Variants in ARHGAP26 observed in about 807,000 individuals in gnomAD.
The protein encoded by ARHGAP26 is Rho GTPase activating protein 26.
Under a neutral mutation model 104.8 loss-of-function variants are expected in ARHGAP26, and 38 were observed. That is an observed-to-expected ratio of 0.36 (90% CI 0.28 to 0.48). ARHGAP26 has a LOEUF of 0.48. Among genes scored for constraint, ARHGAP26 ranks in the 20% least tolerant of loss-of-function variants. The pLI is 0.99. For missense variants in ARHGAP26, 704 were observed against 947.9 expected (o/e 0.74, Z 3.38); for synonymous variants, 341 against 340.0 (o/e 1.00, Z -0.03).
intron 1 of ARHGAP26, among the ~76,000 whole-genome samples, chr5:142,787,937 T>A (rs1758994732): frequency 6.6e-6 from 1 of 152,112 alleles, no homozygotes; most frequent in Admixed American, 6.5e-5. Flanking sequence ...ACTGGTGACC[T>A]ATTTTTGGAT....
chr5:143,015,173 C>T (rs1193568574), intron 12 of ARHGAP26, among the ~76,000 whole-genome samples: 1 of 151,804 alleles, frequency 6.6e-6, no homozygotes, highest in African/African-American at 2.4e-5. Flanking sequence ...ATAAAATGAG[C>T]AAGGGAAAAA....
intron 16 of ARHGAP26, 107 bp downstream of exon 16, chr5:143,056,193 C>T (rs1179989710): frequency 6.8e-6 from 6 of 877,262 alleles, no homozygotes; most frequent in South Asian, 1.5e-5. Context: ...GTATTCTGCA[C>T]ATAAACTGGC....
rs1001564456 is a variant in ARHGAP26 at position 143,103,262 on chromosome 5, A to G, written c.1539-17726A>G. 2.0e-5 allele frequency: 20 copies of G among 984,028 alleles called. No homozygotes were observed. The African/African-American group carries it at 3.3e-4, about 16-fold the overall frequency. 61.0% of individuals were successfully genotyped at this position (984,028 alleles called of 1,614,324 possible). A position where few individuals can be genotyped will look rare whatever the true frequency, so the allele number is the denominator to read the frequency against. Reference sequence around the variant, plus strand: ...AAAAAGTTCAATATCATTACTCTTCAAAGAAATGAAACTTTTAAAAGTCAG... The same window carrying G: ...AAAAAGTTCAATATCATTACTCTTCGAAGAAATGAAACTTTTAAAAGTCAG... On this transcript the variant is annotated intron_variant, in intron 17 of 22. Transcript: ENST00000645722.
chr5:142,899,088 A>G (rs1598147438), intron 6 of ARHGAP26, among the ~76,000 whole-genome samples: 2 of 152,308 alleles, frequency 1.3e-5, no homozygotes, highest in South Asian at 2.1e-4. Flanking sequence ...TCATCCTCAC[A>G]TGGCCATGCT....
chr5:142,918,171 G>A (rs995126977), intron 10 of ARHGAP26, among the ~76,000 whole-genome samples: 4 of 151,844 alleles, frequency 2.6e-5, no homozygotes, highest in African/African-American at 7.3e-5. Flanking sequence ...TTTTGAGACA[G>A]AGTCTTGCTC....
At chr5:143,129,940 G>C (rs756618591) in intron 18 of ARHGAP26, among the ~76,000 whole-genome samples, 1 of 152,226 alleles carries the variant, frequency 6.6e-6, no homozygotes, top group Non-Finnish European at 1.5e-5. Flanking sequence ...CTAGTAGGTA[G>C]CAAAGTCAGG....
At chr5:142,802,738 A>G (rs2151969065) in intron 1 of ARHGAP26, among the ~76,000 whole-genome samples, 1 of 152,264 alleles carries the variant, frequency 6.6e-6, no homozygotes, top group East Asian at 1.9e-4. Context: ...GGCACTGGAA[A>G]TTTAGAATTA....
chr5:143,136,244 A>G (rs1475828676), intron 19 of ARHGAP26, among the ~76,000 whole-genome samples: 1 of 152,226 alleles, frequency 6.6e-6, no homozygotes, highest in African/African-American at 2.4e-5. Flanking sequence ...GATTAATTTT[A>G]TCACACAAGG....
At chr5:143,076,501 A>T (rs983898998) in intron 17 of ARHGAP26, among the ~76,000 whole-genome samples, 9 of 152,102 alleles carry the variant, frequency 5.9e-5, no homozygotes, top group African/African-American at 2.2e-4. Context: ...GTATATATTT[A>T]TATGTGTGGG....
chr5:143,108,975 A>G (rs189626013), intron 17 of ARHGAP26, among the ~76,000 whole-genome samples: 156 of 152,374 alleles, frequency 1.0e-3, no homozygotes, highest in African/African-American at 3.6e-3. Context: ...TTAACCTTTG[A>G]TTTAGCTCCT....
At chr5:142,841,725 G>A (rs780062187) in intron 1 of ARHGAP26, among the ~76,000 whole-genome samples, 11 of 152,224 alleles carry the variant, frequency 7.2e-5, no homozygotes, top group South Asian at 6.2e-4. Flanking sequence ...GCTAAGCAAC[G>A]CATCCCTCTG....
chr5:143,037,921 A>G (rs1298460976), intron 13 of ARHGAP26, among the ~76,000 whole-genome samples: 1 of 152,226 alleles, frequency 6.6e-6, no homozygotes, highest in Non-Finnish European at 1.5e-5. Flanking sequence ...GGTCAGGCCC[A>G]TGTTCACACT....
Position 142,851,340 on chromosome 5 carries a change from G to C in ARHGAP26, c.155-22060G>C, listed in dbSNP as rs556279464. 1.1e-4 allele frequency among the ~76,000 whole-genome samples: 16 copies of C among 152,228 alleles called. No homozygotes were observed. The South Asian group carries it at 2.1e-3, about 20-fold the overall frequency. On this transcript the variant is annotated intron_variant, in intron 1 of 22. Coordinates refer to ENST00000645722, the MANE Select transcript of ARHGAP26 (RefSeq NM_001135608.3). ...TTGAACTCCTGACCTCAGGTAACCT[G>C]CCTGCCTCGGCCTCCCAAAGTGCTG... is the stretch of plus-strand genomic sequence containing the variant.
chr5:143,058,191 C>A (rs879708739), intron 17 of ARHGAP26: 4 of 413,370 alleles, frequency 9.7e-6, no homozygotes, highest in African/African-American at 8.1e-5. Context: ...TGCTGCTTAA[C>A]CAGCCCTGAA....
intron 17 of ARHGAP26, among the ~76,000 whole-genome samples, chr5:143,090,633 G>A (rs1490936900): frequency 2.6e-5 from 4 of 152,192 alleles, no homozygotes; most frequent in Non-Finnish European, 5.9e-5. Context: ...AAAAGGGGGA[G>A]AACTTGAGGG....
intron 11 of ARHGAP26, among the ~76,000 whole-genome samples, chr5:142,986,004 T>G (rs1046785568): frequency 4.6e-5 from 7 of 152,142 alleles, no homozygotes; most frequent in East Asian, 1.9e-4. Context: ...TGATTTATAA[T>G]TCCTTTGGTA....
At chr5:143,143,646 G>T (rs1599214415) in intron 19 of ARHGAP26, among the ~76,000 whole-genome samples, 1 of 152,080 alleles carries the variant, frequency 6.6e-6, no homozygotes, top group African/African-American at 2.4e-5. Flanking sequence ...ATAAATTTTT[G>T]ACTGTGTATT....
At chr5:142,887,521 C>G (rs1409893709) in intron 5 of ARHGAP26, among the ~76,000 whole-genome samples, 1 of 152,176 alleles carries the variant, frequency 6.6e-6, no homozygotes, top group African/African-American at 2.4e-5. Flanking sequence ...TTGGATGCCA[C>G]TATTCCTGAC....
intron 22 of ARHGAP26, among the ~76,000 whole-genome samples, chr5:143,221,614 A>G (rs1440414277): frequency 6.6e-6 from 1 of 152,202 alleles, no homozygotes; most frequent in Non-Finnish European, 1.5e-5. Context: ...GCTGAGCCCA[A>G]GCGATCCTCC....
Sources: allele counts gnomAD v4.1 joint callset (sites outside exome capture counted in the v4.1 genomes callset), GRCh38; gene constraint gnomAD v4.1.1; transcripts MANE v1.5; gene names NCBI Gene and HGNC (gene_info 2026-07-23, HGNC 2026-07-21).